DERA: variants seen among roughly 807,000 people sequenced by gnomAD.
The protein encoded by DERA is deoxyribose-phosphate aldolase, also known as 2-deoxy-D-ribose 5-phosphate aldolase.
DERA carries 15 observed loss-of-function variants against 41.1 expected under a neutral mutation model. The observed-to-expected ratio is 0.37, with a 90% CI of 0.24 to 0.56. The LOEUF (loss-of-function observed/expected upper bound fraction) is 0.56. Among genes scored for constraint, DERA ranks in the 20% least tolerant of loss-of-function variants. The pLI is 0.81. For synonymous variants in DERA, 139 were observed against 137.4 expected (o/e 1.01, Z -0.08); for missense variants, 396 against 403.4 (o/e 0.98, Z 0.16).
At chr12:15,947,272 C>A (rs1004387186) in intron 1 of DERA, among the ~76,000 whole-genome samples, 2 of 152,134 alleles carry the variant, frequency 1.3e-5, no homozygotes, top group Non-Finnish European at 2.9e-5. Context: ...TGTTAACTTT[C>A]TGTCTCGTTG....
rs56140146 is a variant in DERA at position 15,994,204 on chromosome 12, A to C, written c.637+11768A>C. ...TTGCTGATAGATTCAGGTATCACAC[A>C]TATGAGTACAGTGGCATCAATGATA... On this transcript the variant is annotated intron_variant, in intron 6 of 8. Coordinates refer to ENST00000428559, the MANE Select transcript of DERA (RefSeq NM_015954.4). This position sits in a 1 kb window ranked among gnomAD's most constrained non-coding sequence, Gnocchi z 4.8. 0.064 allele frequency among the ~76,000 whole-genome samples: 9,788 copies of C among 152,220 alleles called. 990 individuals are homozygous for C. Among genetic ancestry groups the C allele is most frequent in the African/African-American group, 0.22 (9,011 of 41,468 alleles).
Position 15,959,890 on chromosome 12 carries a change from C to T in DERA, c.339C>T (p.Leu113=). The change falls in exon 4 of 9, where the codon CTC becomes CTT. Residue 113 remains leucine, a synonymous_variant. Coordinates refer to ENST00000428559, the MANE Select transcript of DERA (RefSeq NM_015954.4). The surrounding 1 kb of genome is among the most constrained non-coding windows in gnomAD (Gnocchi z 4.5). ...PARVCDAVKA[L]KAAGCNIPVA... is the part of the protein sequence containing the mutation. The stretch of plus-strand genomic sequence containing the variant: ...GGGTGTGTGATGCTGTAAAAGCACT[C>T]AAGGCTGCAGGCTGTAATATCCCTG... The T allele has an allele frequency of 6.4e-7, 1 of 1,550,718 alleles. No homozygotes were observed. Among genetic ancestry groups the T allele is most frequent in the South Asian group, 1.2e-5 (1 of 83,920 alleles).
intron 6 of DERA, among the ~76,000 whole-genome samples, chr12:15,991,402 G>C (rs2198062): frequency 6.6e-6 from 1 of 152,092 alleles, no homozygotes; most frequent in Non-Finnish European, 1.5e-5. Flanking sequence ...CCATTCTGTA[G>C]GTTGTCTGTT....
intron 5 of DERA, among the ~76,000 whole-genome samples, chr12:15,978,560 T>C (rs1003760207): frequency 1.3e-5 from 2 of 152,196 alleles, no homozygotes; most frequent in Non-Finnish European, 2.9e-5. Flanking sequence ...AATTCCTAAA[T>C]GTTTACACAA....
intron 6 of DERA, among the ~76,000 whole-genome samples, chr12:15,997,050 A>T (rs572285549): frequency 1.3e-5 from 2 of 152,234 alleles, no homozygotes; most frequent in Non-Finnish European, 2.9e-5. Context: ...AGCACAAGCC[A>T]GGAATCAGTT....
At position 16,010,877 on chromosome 12, in the gene DERA, ACT is replaced by A. The variant is rs1948942774; in HGVS notation, c.638-21662_638-21661del. ...GAAAGACAGGTCACTGTAAAAAGAA[ACT>A]CTACCCACTTATCATCAATTGTTGA... On this transcript the variant is annotated intron_variant, in intron 6 of 8. Transcript: ENST00000428559. This position sits in a 1 kb window ranked among gnomAD's most constrained non-coding sequence, Gnocchi z 5.5. Among the ~76,000 whole-genome samples the A allele has an allele frequency of 6.6e-6, 1 of 151,500 alleles. No homozygotes were observed. The highest frequency in any genetic ancestry group is 6.6e-5 in the Admixed American group (1 of 15,236).
intron 1 of DERA, among the ~76,000 whole-genome samples, chr12:15,953,473 G>T (rs756681386): frequency 2.6e-5 from 4 of 152,130 alleles, no homozygotes; most frequent in Non-Finnish European, 4.4e-5. Context: ...ATAATAAATT[G>T]TGAGAAGAGT....
In DERA at chr12:15,918,113, C is replaced by G. The variant is rs1036863700; in HGVS notation, c.31+6699C>G. Among the ~76,000 whole-genome samples the G allele has an allele frequency of 5.3e-5, 8 of 152,198 alleles. No homozygotes were observed. The highest frequency in any genetic ancestry group is 1.7e-4 in the African/African-American group (7 of 41,450). ...CATATTTGAAACACTCCACATGCTTCCCCTGGCCCCAGCAGATGTTCTTCT... is the reference window on the plus strand; with the variant it reads ...CATATTTGAAACACTCCACATGCTTGCCCTGGCCCCAGCAGATGTTCTTCT... On this transcript the variant is annotated intron_variant, in intron 1 of 8. Coordinates refer to ENST00000428559, the MANE Select transcript of DERA (RefSeq NM_015954.4). This position sits in a 1 kb window ranked among gnomAD's most constrained non-coding sequence, Gnocchi z 4.3.
In DERA at chr12:15,995,539, T is replaced by C. The variant is rs925965736; in HGVS notation, c.637+13103T>C. ...TCTGTACTTTTCTTCCAGACTCTCT[T>C]ACCTAGGGTGCCCAGAGAACAGCTA... On this transcript the variant is annotated intron_variant, in intron 6 of 8. Transcript: ENST00000428559. This position sits in a 1 kb window ranked among gnomAD's most constrained non-coding sequence, Gnocchi z 5.1. 2.6e-5 allele frequency among the ~76,000 whole-genome samples: 4 copies of C among 152,094 alleles called. No individual in the cohort carries two copies. Among genetic ancestry groups the C allele is most frequent in the Non-Finnish European group, 4.4e-5 (3 of 68,006 alleles).
rs1026781897 is a variant in DERA, at chr12:16,017,767, G to A, written c.638-14775G>A. The stretch of plus-strand genomic sequence containing the variant: ...TAAGTTAGTGTCGGAATTACCATAC[G>A]AAACTCTCTTTCTAACTTTAATCGG... On this transcript the variant is annotated intron_variant, in intron 6 of 8. Coordinates refer to ENST00000428559, the MANE Select transcript of DERA (RefSeq NM_015954.4). This position sits in a 1 kb window ranked among gnomAD's most constrained non-coding sequence, Gnocchi z 5.5. Among the ~76,000 whole-genome samples the A allele has an allele frequency of 3.9e-5, 6 of 152,258 alleles. No individual in the cohort carries two copies. The highest frequency in any genetic ancestry group is 4.1e-4 in the South Asian group (2 of 4,824).
chr12:15,947,270 T>G (rs571440077), intron 1 of DERA, among the ~76,000 whole-genome samples: 1 of 152,296 alleles, frequency 6.6e-6, no homozygotes, highest in South Asian at 2.1e-4. Flanking sequence ...CTTGTTAACT[T>G]TCTGTCTCGT....
chr12:16,015,961 A>G (rs935292833), intron 6 of DERA, among the ~76,000 whole-genome samples: 9 of 152,100 alleles, frequency 5.9e-5, no homozygotes. Flanking sequence ...TTTATGTACA[A>G]TAAAGTTTAC....
chr12:15,959,843 G>T lies in DERA; in HGVS notation c.292G>T (p.Ala98Ser). ...NMHDKGITTA[A>S]VCVYPARVCD... ...TTTCTTGATAGGCATTACTACAGCC[G>T]CCGTTTGTGTTTATCCCGCCCGGGT... The change falls in exon 4 of 9, where the codon GCC (alanine) becomes TCC (serine). Residue 98 changes from alanine (A) to serine (S), a missense_variant. Transcript: ENST00000428559. This position sits in a 1 kb window ranked among gnomAD's most constrained non-coding sequence, Gnocchi z 4.5. 6.5e-7 allele frequency: 1 copy of T among 1,544,746 alleles called. No homozygotes were observed. The highest frequency in any genetic ancestry group is 1.2e-5 in the South Asian group (1 of 83,270).
rs1178291926 is a variant in DERA at position 15,976,601 on chromosome 12, A to G, written c.509-5707A>G. Among the ~76,000 whole-genome samples the G allele has an allele frequency of 1.3e-5, 2 of 152,178 alleles. No individual in the cohort carries two copies. Among genetic ancestry groups the G allele is most frequent in the African/African-American group, 4.8e-5 (2 of 41,434 alleles). ...AGAATCATCTTTCTAAATCAACAAG[A>G]GGCTCTTTCATCTTAATTATAACAG... On this transcript the variant is annotated intron_variant, in intron 5 of 8. Transcript: ENST00000428559. This position sits in a 1 kb window ranked among gnomAD's most constrained non-coding sequence, Gnocchi z 4.1.
In DERA at chr12:15,931,756, C is replaced by G. The variant is rs1948329750; in HGVS notation, c.31+20342C>G. 6.6e-6 allele frequency among the ~76,000 whole-genome samples: 1 copy of G among 152,138 alleles called. No individual in the cohort carries two copies. Among genetic ancestry groups the G allele is most frequent in the Non-Finnish European group, 1.5e-5 (1 of 68,028 alleles). ...GGATTTATGTGAACAGATTTATGCTCTCTCTGGGGAGGGAGTGGGTGAGTG... is the reference window on the plus strand; with the variant it reads ...GGATTTATGTGAACAGATTTATGCTGTCTCTGGGGAGGGAGTGGGTGAGTG... On this transcript the variant is annotated intron_variant, in intron 1 of 8. Transcript: ENST00000428559. This position sits in a 1 kb window ranked among gnomAD's most constrained non-coding sequence, Gnocchi z 4.6.
chr12:15,991,278 C>G lies in DERA; in HGVS notation c.637+8842C>G, dbSNP rs1948800402. On this transcript the variant is annotated intron_variant, in intron 6 of 8. Coordinates refer to ENST00000428559, the MANE Select transcript of DERA (RefSeq NM_015954.4). ...TCTTTTGAAAAGTGCCTGTTCATAT[C>G]CTTTGCCCACTTTTTAATGGGGTTG... Among the ~76,000 whole-genome samples, 3 of 152,112 alleles carry G rather than the reference C, an allele frequency of 2.0e-5. No individual in the cohort carries two copies. The South Asian group carries it at 6.2e-4, about 32-fold the overall frequency.
At chr12:16,033,763 T>C (rs1043094907) in intron 7 of DERA, among the ~76,000 whole-genome samples, 1 of 152,114 alleles carries the variant, frequency 6.6e-6, no homozygotes, top group African/African-American at 2.4e-5. Flanking sequence ...CTTCAGTTTA[T>C]TTTGGAATAG....
intron 6 of DERA, among the ~76,000 whole-genome samples, chr12:15,997,478 C>T (rs931567893): frequency 2.0e-5 from 3 of 151,962 alleles, no homozygotes; most frequent in Non-Finnish European, 2.9e-5. Context: ...AAGGGCCCTG[C>T]GTGTTACATT....
Position 16,017,011 on chromosome 12 carries a change from G to C in DERA, c.638-15531G>C, listed in dbSNP as rs956714037. 2.0e-5 allele frequency among the ~76,000 whole-genome samples: 3 copies of C among 152,160 alleles called. No homozygotes were observed. Among genetic ancestry groups the C allele is most frequent in the African/African-American group, 7.2e-5 (3 of 41,442 alleles). On this transcript the variant is annotated intron_variant, in intron 6 of 8. Coordinates refer to ENST00000428559, the MANE Select transcript of DERA (RefSeq NM_015954.4). This position sits in a 1 kb window ranked among gnomAD's most constrained non-coding sequence, Gnocchi z 5.5. ...TTGTTTCGATCAGGTGCGTCTACCA[G>C]TATTTTGAAGGGTTTGCATAATTAT...
Sources: allele counts gnomAD v4.1 joint callset (sites outside exome capture counted in the v4.1 genomes callset), GRCh38; gene constraint gnomAD v4.1.1; non-coding constraint Gnocchi (gnomAD v3.1); transcripts MANE v1.5; gene names NCBI Gene and HGNC (gene_info 2026-07-23, HGNC 2026-07-21).